NECTIN2: variants seen among roughly 807,000 people sequenced by gnomAD.
NECTIN2 encodes nectin-2.
Under a neutral mutation model 56.9 loss-of-function variants are expected in NECTIN2, and 23 were observed. The ratio of observed to expected loss-of-function variants is 0.40; its 90% CI spans 0.29 to 0.57. The LOEUF (loss-of-function observed/expected upper bound fraction) is 0.57. Among genes scored for constraint, NECTIN2 ranks in the 20% least tolerant of loss-of-function variants. The probability of loss-of-function intolerance (pLI) is 0.38; values close to 1 mark genes in which losing one functional copy is unlikely to be tolerated. For missense variants in NECTIN2, 587 were observed against 718.3 expected, an observed-to-expected ratio of 0.82 and a Z score of 2.09; for synonymous variants, 302 against 313.8, an observed-to-expected ratio of 0.96 and a Z score of 0.40.
chr19:44,861,802 C>T (rs1437653428), intron 1 of NECTIN2, among the ~76,000 whole-genome samples: 1 of 152,160 alleles, frequency 6.6e-6, no homozygotes, highest in Non-Finnish European at 1.5e-5. Context: ...GAGATACCAT[C>T]TCACACCAGT....
intron 5 of NECTIN2, chr19:44,878,720 C>A: frequency 6.7e-7 from 1 of 1,497,542 alleles, no homozygotes; most frequent in Non-Finnish European, 8.9e-7. Flanking sequence ...TTCGTCTGGA[C>A]GACACTGGAG....
chr19:44,865,203 G>A lies in NECTIN2; in HGVS notation c.89-68G>A. The A allele has an allele frequency of 6.8e-7, 1 of 1,472,984 alleles. No individual in the cohort carries two copies. The highest frequency in any genetic ancestry group is 2.3e-5 in the East Asian group (1 of 43,370). The allele number at this position is 1,472,984 out of a possible 1,614,324, so 91.2% of individuals were successfully genotyped here. On this transcript the variant is annotated intron_variant, in intron 1 of 8. Coordinates refer to ENST00000252483, the MANE Select transcript of NECTIN2 (RefSeq NM_001042724.2). The surrounding 1 kb of genome is among the most constrained non-coding windows in gnomAD (Gnocchi z 5.2). ...TTTCCCGTGGGGCCCCCTTCGTGGT[G>A]GCCCTGCCTGGAGGTGTCTGGGTCC...
At chr19:44,872,824 T>TAAAATATATAA (rs1969192818) in intron 3 of NECTIN2, among the ~76,000 whole-genome samples, 1 of 147,688 alleles carries the variant, frequency 6.8e-6, no homozygotes, top group South Asian at 2.1e-4. Flanking sequence ...TATTTTTATA[T>TAAAATATATAA]ATTATATATT....
In NECTIN2 at chr19:44,875,489, C is replaced by A. The variant is rs559190344; in HGVS notation, c.1042+1011C>A. Among the ~76,000 whole-genome samples, 5 of 152,326 alleles carry A rather than the reference C, an allele frequency of 3.3e-5. No homozygotes were observed. Among genetic ancestry groups the A allele is most frequent in the African/African-American group, 1.2e-4 (5 of 41,568 alleles). On this transcript the variant is annotated intron_variant, in intron 5 of 8. Coordinates refer to ENST00000252483, the MANE Select transcript of NECTIN2 (RefSeq NM_001042724.2). This position sits in a 1 kb window ranked among gnomAD's most constrained non-coding sequence, Gnocchi z 4.2. The stretch of plus-strand genomic sequence containing the variant: ...CCATATTGGTCAGGCTGGTCTCGAA[C>A]TGCTGACCTCAGGTGATCCACCCGC...
At chr19:44,880,404 G>A (rs1355970272) in intron 5 of NECTIN2, among the ~76,000 whole-genome samples, 2 of 151,640 alleles carry the variant, frequency 1.3e-5, no homozygotes, top group African/African-American at 4.8e-5. Flanking sequence ...GGAAACGGGA[G>A]GTGCTAGCAA....
intron 1 of NECTIN2, among the ~76,000 whole-genome samples, chr19:44,862,565 G>C (rs963709278): frequency 1.1e-3 from 160 of 152,130 alleles, no homozygotes; most frequent in African/African-American, 3.6e-3. Flanking sequence ...AACACGGATG[G>C]AACTGGAGGC....
intron 6 of NECTIN2, 111 bp from the exon 7 acceptor site, chr19:44,885,826 G>A (rs968411938): frequency 4.3e-5 from 36 of 846,738 alleles, no homozygotes; most frequent in Non-Finnish European, 5.7e-5. Context: ...GGCAAGAAAA[G>A]GGGGCAGGGG....
chr19:44,881,136 G>T (rs754071071), intron 5 of NECTIN2, among the ~76,000 whole-genome samples: 1 of 151,660 alleles, frequency 6.6e-6, no homozygotes, highest in Non-Finnish European at 1.5e-5. Context: ...TGCCCTGGCT[G>T]GTCTTGAACA....
chr19:44,876,286 C>A (rs759174133), intron 5 of NECTIN2, among the ~76,000 whole-genome samples: 1 of 144,444 alleles, frequency 6.9e-6, no homozygotes, highest in Non-Finnish European at 1.5e-5. Context: ...ACTGGAAATA[C>A]ACCCCTAACC....
At chr19:44,876,960 G>T (rs1969246013) in intron 5 of NECTIN2, among the ~76,000 whole-genome samples, 1 of 152,120 alleles carries the variant, frequency 6.6e-6, no homozygotes, top group African/African-American at 2.4e-5. Context: ...TCCAGAAACA[G>T]AGACAAGCCT....
Position 44,874,203 on chromosome 19 carries a change from A to G in NECTIN2, c.894-127A>G. 1 of 1,339,636 alleles carries G rather than the reference A, an allele frequency of 7.5e-7. No homozygotes were observed. The highest frequency in any genetic ancestry group is 1.0e-6 in the Non-Finnish European group (1 of 962,448). The allele number at this position is 1,339,636 out of a possible 1,614,324, so 83.0% of individuals were successfully genotyped here. A position where few individuals can be genotyped will look rare whatever the true frequency, so the allele number is the denominator to read the frequency against. ...GGATGAAGGGAGCTTGCATTTTGGC[A>G]ATTTGGGGTCTCCGGGAGTACTTAG... On this transcript the variant is annotated intron_variant, in intron 4 of 8. Coordinates refer to ENST00000252483, the MANE Select transcript of NECTIN2 (RefSeq NM_001042724.2). The surrounding 1 kb of genome is among the most constrained non-coding windows in gnomAD (Gnocchi z 6.3).
chr19:44,859,526 A>G (rs1411399444), intron 1 of NECTIN2, among the ~76,000 whole-genome samples: 2 of 152,110 alleles, frequency 1.3e-5, no homozygotes, highest in African/African-American at 4.8e-5. Flanking sequence ...GTTTATATTA[A>G]AAGTGAGAAA....
Position 44,882,214 on chromosome 19 carries a change from C to A in NECTIN2, c.1046C>A (p.Thr349Asn), listed in dbSNP as rs1303627597. The stretch of plus-strand genomic sequence containing the variant: ...CACGCTGTCCCTCTCCTTGCAGAGA[C>A]CCCCAACACAGCAGGCGCAGGGGCC... ...RAEQVIFVRETPNTAGAGATG... is the reference protein window; with the variant it reads ...RAEQVIFVRENPNTAGAGATG... The change falls in exon 6 of 9, where the codon ACC becomes AAC. Residue 349 changes from threonine (T) to asparagine (N), a missense_variant. Physicochemically the swap from Thr to Asn is moderately conservative, Grantham distance 65. Coordinates refer to ENST00000252483, the MANE Select transcript of NECTIN2 (RefSeq NM_001042724.2). 2.7e-6 allele frequency: 4 copies of A among 1,481,588 alleles called. No homozygotes were observed. Among genetic ancestry groups the A allele is most frequent in the Non-Finnish European group, 3.6e-6 (4 of 1,108,620 alleles). The allele number at this position is 1,481,588 out of a possible 1,614,324, so 91.8% of individuals were successfully genotyped here. A position where few individuals can be genotyped will look rare whatever the true frequency, so the allele number is the denominator to read the frequency against.
At chr19:44,876,687 C>T (rs541009671) in intron 5 of NECTIN2, among the ~76,000 whole-genome samples, 5 of 152,206 alleles carry the variant, frequency 3.3e-5, no homozygotes, top group African/African-American at 4.8e-5. Context: ...CACAGCAGCA[C>T]GAACATAGGA....
rs1568584278 is a variant in NECTIN2 at position 44,846,515 on chromosome 19, C to CGAT, written c.-11_-10insGAT. The CGAT allele has an allele frequency of 6.6e-7, 1 of 1,504,938 alleles. No individual in the cohort carries two copies. Among genetic ancestry groups the CGAT allele is most frequent in the Non-Finnish European group, 8.8e-7 (1 of 1,134,424 alleles). 93.2% of individuals were successfully genotyped at this position (1,504,938 alleles called of 1,614,324 possible). On this transcript the variant is annotated 5_prime_UTR_variant, in exon 1 of 9. Transcript: ENST00000252483. ...GCCTCCGGCCGGGCCCAGTCCCCTC[C>CGAT]CGGGCCCTCCATGGCCCGGGCCGCT...
In NECTIN2 at chr19:44,888,893, G is replaced by C. The variant is rs1969390289; in HGVS notation, c.*514G>C. On this transcript the variant is annotated 3_prime_UTR_variant, in exon 9 of 9. Coordinates refer to ENST00000252483, the MANE Select transcript of NECTIN2 (RefSeq NM_001042724.2). ...GAGGGGATTCCCCAGCCCAAGGCAG[G>C]GTTTTCCCAGCACCCTCCTGTAAGC... 6.4e-6 allele frequency: 1 copy of C among 156,352 alleles called. No homozygotes were observed. Among genetic ancestry groups the C allele is most frequent in the Non-Finnish European group, 1.4e-5 (1 of 70,248 alleles). The allele number at this position is 156,352 out of a possible 1,614,324, so 9.7% of individuals were successfully genotyped here.
intron 2 of NECTIN2, among the ~76,000 whole-genome samples, chr19:44,869,962 A>AAG (rs563477804): frequency 1.3e-5 from 2 of 151,954 alleles, no homozygotes; most frequent in African/African-American, 4.8e-5. Flanking sequence ...ATAAAAAAAA[A>AAG]AGAGAGAGAG....
At chr19:44,856,075 C>T (rs1480350326) in intron 1 of NECTIN2, among the ~76,000 whole-genome samples, 1 of 152,138 alleles carries the variant, frequency 6.6e-6, no homozygotes, top group African/African-American at 2.4e-5. Flanking sequence ...CTAAGGTAGG[C>T]AGATCACCTG....
At chr19:44,877,842 G>C (rs984707018) in intron 5 of NECTIN2, among the ~76,000 whole-genome samples, 1 of 152,216 alleles carries the variant, frequency 6.6e-6, no homozygotes, top group Non-Finnish European at 1.5e-5. Context: ...GCCAGACATG[G>C]GAGTTTGGTG....
Sources: allele counts gnomAD v4.1 joint callset (sites outside exome capture counted in the v4.1 genomes callset), GRCh38; gene constraint gnomAD v4.1.1; non-coding constraint Gnocchi (gnomAD v3.1); transcripts MANE v1.5; gene names NCBI Gene and HGNC (gene_info 2026-07-23, HGNC 2026-07-21).